The following BICD2 variants were observed in gnomAD, a reference collection of about 807,000 sequenced individuals.
BICD2 encodes the protein BICD cargo adaptor 2.
In BICD2, 25 loss-of-function variants were observed where a neutral mutation model predicts 72.9. That is an observed-to-expected ratio of 0.34 (90% CI 0.25 to 0.48). The LOEUF (loss-of-function observed/expected upper bound fraction) is 0.48, where lower values mean the gene tolerates loss of function less well. Among genes scored for constraint, BICD2 ranks in the 20% least tolerant of loss-of-function variants. BICD2 has a pLI of 0.99. For missense variants in BICD2, 894 were observed against 1,175.2 expected (o/e 0.76, Z 3.50); for synonymous variants, 501 against 516.1 (o/e 0.97, Z 0.40).
chr9:92,757,085 AG>A (rs1196724656), intron 1 of BICD2, among the ~76,000 whole-genome samples: 1 of 152,096 alleles, frequency 6.6e-6, no homozygotes, highest in African/African-American at 2.4e-5. Flanking sequence ...GGGCCGAGGC[AG>A]ACTGATTGCC....
intron 1 of BICD2, among the ~76,000 whole-genome samples, chr9:92,740,945 G>A (rs867296480): frequency 2.6e-5 from 4 of 152,160 alleles, no homozygotes; most frequent in African/African-American, 9.7e-5. Flanking sequence ...AGGGAGTCTG[G>A]GTGCTGTGTA....
chr9:92,720,366 G>A lies in BICD2; in HGVS notation c.996C>T (p.Leu332=), dbSNP rs1375401329. The A allele has an allele frequency of 1.1e-5, 18 of 1,613,936 alleles. No individual in the cohort carries two copies. Among genetic ancestry groups the A allele is most frequent in the Admixed American group, 6.7e-5 (4 of 59,998 alleles). Residue 332 remains leucine (L), a synonymous_variant, in exon 4 of 7, where the codon CTC becomes CTT. Transcript: ENST00000356884. This position sits in a 1 kb window ranked among gnomAD's most constrained non-coding sequence, Gnocchi z 5.4. ...TGAGCTCACTGAGTAGGTCGGAGACGAGGCTGGGGGAGGGCGGTGCGAGGC... is the reference window on the plus strand; with the variant it reads ...TGAGCTCACTGAGTAGGTCGGAGACAAGGCTGGGGGAGGGCGGTGCGAGGC... ...KEGLAPPSPS[L]VSDLLSELNI... is the part of the protein sequence containing the mutation.
intron 1 of BICD2, among the ~76,000 whole-genome samples, chr9:92,739,873 G>T (rs532858470): frequency 6.6e-6 from 1 of 152,320 alleles, no homozygotes; most frequent in South Asian, 2.1e-4. Flanking sequence ...CTCCGGGAAG[G>T]TCTGCATGTG....
intron 1 of BICD2, among the ~76,000 whole-genome samples, chr9:92,763,919 C>A (rs1461731611): frequency 3.9e-5 from 6 of 152,232 alleles, no homozygotes; most frequent in Non-Finnish European, 8.8e-5. Context: ...GCAACCTCCA[C>A]GTGCAACCCC....
Position 92,715,063 on chromosome 9 carries a change from G to A in BICD2, c.*91C>T, listed in dbSNP as rs538163899. The A allele has an allele frequency of 2.7e-5, 40 of 1,489,266 alleles. No individual in the cohort carries two copies. Among genetic ancestry groups the A allele is most frequent in the Middle Eastern group, 2.5e-4 (1 of 3,952 alleles). 92.3% of individuals were successfully genotyped at this position (1,489,266 alleles called of 1,614,324 possible). ...CTCCTACCCTCTGTGCATTAGTCACGTTAAGATTGACCTAGCACCGCCGTC... is the reference window on the plus strand; with the variant it reads ...CTCCTACCCTCTGTGCATTAGTCACATTAAGATTGACCTAGCACCGCCGTC... On this transcript the variant is annotated 3_prime_UTR_variant, in exon 7 of 7. Transcript: ENST00000356884.
In BICD2 at chr9:92,715,132, A is replaced by G; in HGVS notation, c.*22T>C. 1 of 1,545,972 alleles carries G rather than the reference A, an allele frequency of 6.5e-7. No homozygotes were observed. Among genetic ancestry groups the G allele is most frequent in the Non-Finnish European group, 8.8e-7 (1 of 1,142,470 alleles). On this transcript the variant is annotated 3_prime_UTR_variant, in exon 7 of 7. Transcript: ENST00000356884. ...TTGAGGTGAAGCAGATGTTAGCTGC[A>G]GCGTGCGGCGCCCCACAGCCCCTAA... is the stretch of plus-strand genomic sequence containing the variant.
chr9:92,715,750 T>G (rs1853297935), intron 6 of BICD2, among the ~76,000 whole-genome samples: 1 of 152,188 alleles, frequency 6.6e-6, no homozygotes, highest in Admixed American at 6.5e-5. Context: ...AGGGGCTGCT[T>G]TGCTCTTTCA....
chr9:92,735,491 G>A (rs1420409793), intron 1 of BICD2, among the ~76,000 whole-genome samples: 8 of 152,012 alleles, frequency 5.3e-5, no homozygotes, highest in Non-Finnish European at 1.0e-4. Context: ...CATGGGGGCA[G>A]GAGGTCCCAG....
intron 1 of BICD2, among the ~76,000 whole-genome samples, chr9:92,757,318 A>C (rs1854281637): frequency 1.1e-5 from 1 of 92,672 alleles, no homozygotes; most frequent in Admixed American, 1.3e-4. Flanking sequence ...TCTCCAAAAA[A>C]AAAAAAAAAA....
At chr9:92,763,796 G>A (rs571729617) in intron 1 of BICD2, among the ~76,000 whole-genome samples, 7 of 152,182 alleles carry the variant, frequency 4.6e-5, no homozygotes, top group Non-Finnish European at 5.9e-5. Context: ...CGAGAAGCGG[G>A]GCTGGACAGG....
At chr9:92,763,759 C>G (rs371343788) in intron 1 of BICD2, among the ~76,000 whole-genome samples, 1 of 152,198 alleles carries the variant, frequency 6.6e-6, no homozygotes, top group Non-Finnish European at 1.5e-5. Flanking sequence ...AAGAGGAACA[C>G]AGCAAGCCAC....
intron 1 of BICD2, among the ~76,000 whole-genome samples, chr9:92,735,672 G>A (rs1054681892): frequency 6.6e-6 from 1 of 151,886 alleles, no homozygotes; most frequent in South Asian, 2.1e-4. Context: ...AGGCCTGGGG[G>A]CCTGTGAAGC....
At chr9:92,759,752 T>C (rs543771471) in intron 1 of BICD2, among the ~76,000 whole-genome samples, 1 of 152,336 alleles carries the variant, frequency 6.6e-6, no homozygotes, top group African/African-American at 2.4e-5. Context: ...CTCAAACAGC[T>C]GGTGTACTGT....
At position 92,720,569 on chromosome 9, in the gene BICD2, T is replaced by G. The variant is rs779331320; in HGVS notation, c.793A>C (p.Met265Leu). Residue 265 changes from methionine (M) to leucine (L), a missense_variant, in exon 4 of 7, where the codon ATG becomes CTG. Around this residue, in one of 5 missense-constraint regions of BICD2, gnomAD observed 371 missense variants for 439.1 expected, o/e 0.84. Transcript: ENST00000356884. The surrounding 1 kb of genome is among the most constrained non-coding windows in gnomAD (Gnocchi z 5.4). ...NSLRKELSHY[M>L]SINDSFYTSH... ...GTGTAGAAGGAGTCATTGATGCTCATGTAGTGTGACAGCTCCTTGCGCAGG... is the reference window on the plus strand; with the variant it reads ...GTGTAGAAGGAGTCATTGATGCTCAGGTAGTGTGACAGCTCCTTGCGCAGG... 4 of 1,614,142 alleles carry G rather than the reference T, an allele frequency of 2.5e-6. No individual in the cohort carries two copies. The highest frequency in any genetic ancestry group is 3.4e-6 in the Non-Finnish European group (4 of 1,180,030).
At chr9:92,735,790 C>A (rs1192253145) in intron 1 of BICD2, among the ~76,000 whole-genome samples, 1 of 152,202 alleles carries the variant, frequency 6.6e-6, no homozygotes, top group East Asian at 1.9e-4. Context: ...ACACAGCACA[C>A]TGGGTCTGGA....
At position 92,723,115 on chromosome 9, in the gene BICD2, T is replaced by A. The variant is rs117072205; in HGVS notation, c.454-307A>T. On this transcript the variant is annotated intron_variant, in intron 2 of 6. Coordinates refer to ENST00000356884, the MANE Select transcript of BICD2 (RefSeq NM_001003800.2). ...GGGGTTAAAAGTAGTTCCTGCCTTC[T>A]ATTATTGGGCATGTACACAGTAGTG... Among the ~76,000 whole-genome samples the A allele has an allele frequency of 5.1e-4, 77 of 152,324 alleles. 2 individuals carry two copies. In the East Asian group the frequency reaches 0.015, roughly 29 times the overall value.
In BICD2 at chr9:92,720,615, C is replaced by A. The variant is rs145083783; in HGVS notation, c.747G>T (p.Thr249=). The A allele has an allele frequency of 6.2e-7, 1 of 1,614,142 alleles. No homozygotes were observed. Among genetic ancestry groups the A allele is most frequent in the East Asian group, 2.2e-5 (1 of 44,880 alleles). The change falls in exon 4 of 7, where the codon ACG becomes ACT. Residue 249 remains threonine, a synonymous_variant. Transcript: ENST00000356884. This position sits in a 1 kb window ranked among gnomAD's most constrained non-coding sequence, Gnocchi z 5.4. ...QLEEALETLK[T]EREQKNSLRK... ...GCAGGCTGTTCTTCTGTTCGCGCTC[C>A]GTCTTCAGGGTCTCCAGCGCCTCCT...
At chr9:92,749,249 T>C (rs576283433) in intron 1 of BICD2, among the ~76,000 whole-genome samples, 1 of 152,144 alleles carries the variant, frequency 6.6e-6, no homozygotes, top group Non-Finnish European at 1.5e-5. Flanking sequence ...CCAGCCTATA[T>C]CTATCAAGCT....
At position 92,720,298 on chromosome 9, in the gene BICD2, A is replaced by G; in HGVS notation, c.1062+2T>C. 1 of 1,606,108 alleles carries G rather than the reference A, an allele frequency of 6.2e-7. No individual in the cohort carries two copies. Among genetic ancestry groups the G allele is most frequent in the Non-Finnish European group, 8.5e-7 (1 of 1,175,568 alleles). ...GTGCCGAAGGCCCCACTGCCTGCTC[A>G]CCTGCATCAGCTGCTGCTTCAGCTT... On this transcript the variant is annotated splice_donor_variant, in intron 4 of 6. Coordinates refer to ENST00000356884, the MANE Select transcript of BICD2 (RefSeq NM_001003800.2). LOFTEE classifies it high-confidence loss of function. This position sits in a 1 kb window ranked among gnomAD's most constrained non-coding sequence, Gnocchi z 5.4.
Sources: allele counts gnomAD v4.1 joint callset (sites outside exome capture counted in the v4.1 genomes callset), GRCh38; gene constraint gnomAD v4.1.1; regional missense constraint gnomAD v4.1.1; non-coding constraint Gnocchi (gnomAD v3.1); transcripts MANE v1.5; gene names NCBI Gene and HGNC (gene_info 2026-07-23, HGNC 2026-07-21).